LRRC4C: variants seen among roughly 807,000 people sequenced by gnomAD.
LRRC4C encodes the protein leucine rich repeat containing 4C, also known as leucine-rich repeat-containing protein 4C.
A neutral mutation model predicts 33.6 loss-of-function variants in LRRC4C; 5 were observed. The ratio of observed to expected loss-of-function variants is 0.15; its 90% confidence interval spans 0.08 to 0.31. The LOEUF is 0.31. Among genes scored for constraint, LRRC4C ranks in the 10% least tolerant of loss-of-function variants. The pLI is 1.00. For missense variants in LRRC4C, 560 were observed against 796.7 expected, an observed-to-expected ratio of 0.70 and a Z score of 3.58; for synonymous variants, 329 against 302.0, an observed-to-expected ratio of 1.09 and a Z score of -0.93.
intron 1 of LRRC4C, among the ~76,000 whole-genome samples, chr11:41,401,248 T>C (rs889659719): frequency 3.3e-5 from 5 of 151,904 alleles, no homozygotes; most frequent in African/African-American, 9.7e-5. Context: ...TAAACAACAA[T>C]TAAAATTCAG....
At chr11:40,720,948 C>T (rs1946980429) in intron 2 of LRRC4C, among the ~76,000 whole-genome samples, 1 of 152,052 alleles carries the variant, frequency 6.6e-6, no homozygotes, top group Admixed American at 6.5e-5. Context: ...GAAAGGGACC[C>T]TTGCCATAGG....
chr11:40,553,942 T>C (rs1272090151), intron 3 of LRRC4C, among the ~76,000 whole-genome samples: 1 of 152,192 alleles, frequency 6.6e-6, no homozygotes, highest in Non-Finnish European at 1.5e-5. Context: ...AGAAGCTCTT[T>C]AGTTTAATTA....
At chr11:40,621,093 A>G (rs1472504409) in intron 3 of LRRC4C, among the ~76,000 whole-genome samples, 1 of 151,580 alleles carries the variant, frequency 6.6e-6, no homozygotes, top group Non-Finnish European at 1.5e-5. Context: ...TCTTTCAGCT[A>G]TCCTTTTCAT....
intron 1 of LRRC4C, among the ~76,000 whole-genome samples, chr11:41,075,645 T>A (rs12577314): frequency 1.3e-5 from 2 of 152,108 alleles, no homozygotes; most frequent in East Asian, 3.9e-4. Flanking sequence ...AATCTGAAAC[T>A]TCTCATAATT....
intron 2 of LRRC4C, among the ~76,000 whole-genome samples, chr11:40,884,562 C>T (rs557521871): frequency 1.4e-3 from 220 of 152,120 alleles, no homozygotes; most frequent in African/African-American, 5.2e-3. Context: ...GAGAAATAAG[C>T]TGGTTTTATA....
At chr11:40,385,889 A>AATAAATAT (rs1949090429) in intron 3 of LRRC4C, among the ~76,000 whole-genome samples, 1 of 149,104 alleles carries the variant, frequency 6.7e-6, no homozygotes, top group African/African-American at 2.4e-5. Flanking sequence ...TAAATAAATA[A>AATAAATAT]ATAAAATAAA....
intron 2 of LRRC4C, among the ~76,000 whole-genome samples, chr11:40,901,439 A>G (rs147199598): frequency 8.5e-5 from 13 of 152,218 alleles, no homozygotes; most frequent in African/African-American, 3.1e-4. Flanking sequence ...CAAATGTGAT[A>G]TTTCTAAACA....
chr11:40,572,708 G>A (rs1334533381), intron 3 of LRRC4C, among the ~76,000 whole-genome samples: 1 of 152,152 alleles, frequency 6.6e-6, no homozygotes, highest in Non-Finnish European at 1.5e-5. Context: ...AGAGAGTTAG[G>A]ACTGGTCCTA....
At chr11:41,311,429 C>T (rs907452640) in intron 1 of LRRC4C, among the ~76,000 whole-genome samples, 1 of 152,062 alleles carries the variant, frequency 6.6e-6, no homozygotes, top group Non-Finnish European at 1.5e-5. Flanking sequence ...AAAATGAACA[C>T]AGTTTTATGA....
At position 40,917,923 on chromosome 11, in the gene LRRC4C, A is replaced by G. The variant is rs564586846; in HGVS notation, c.-407+15712T>C. ...TTCAATATCATTGCAATAACAAAAA[A>G]CAGTGTGGGTTTGACATCCTTTGCA... On this transcript the variant is annotated intron_variant, in intron 2 of 6. Transcript: ENST00000528697. Among the ~76,000 whole-genome samples the G allele has an allele frequency of 2.6e-5, 4 of 152,218 alleles. No individual in the cohort carries two copies. In the South Asian group the frequency reaches 8.3e-4, roughly 32 times the overall value.
chr11:41,330,591 G>C (rs996344002), intron 1 of LRRC4C, among the ~76,000 whole-genome samples: 2 of 151,912 alleles, frequency 1.3e-5, no homozygotes, highest in African/African-American at 2.4e-5. Flanking sequence ...CTTCCTTTGA[G>C]ACAGGGTCTC....
intron 1 of LRRC4C, among the ~76,000 whole-genome samples, chr11:41,140,168 T>C (rs1943440671): frequency 6.6e-6 from 1 of 152,138 alleles, no homozygotes; most frequent in Non-Finnish European, 1.5e-5. Context: ...CTAATTAAGA[T>C]GATGTATGTA....
chr11:40,905,706 C>T (rs184265641), intron 2 of LRRC4C, among the ~76,000 whole-genome samples: 1 of 152,312 alleles, frequency 6.6e-6, no homozygotes, highest in Admixed American at 6.5e-5. Flanking sequence ...CAGGTGGGGG[C>T]AGTGGCCTGA....
At chr11:40,936,429 C>T (rs1957903590) in intron 1 of LRRC4C, among the ~76,000 whole-genome samples, 1 of 150,420 alleles carries the variant, frequency 6.6e-6, no homozygotes, top group Non-Finnish European at 1.5e-5. Context: ...GCTCCGCCTC[C>T]CAGGTTTACG....
At chr11:41,076,254 T>G (rs967164681) in intron 1 of LRRC4C, among the ~76,000 whole-genome samples, 1 of 152,210 alleles carries the variant, frequency 6.6e-6, no homozygotes, top group African/African-American at 2.4e-5. Context: ...ACCAAACTTT[T>G]GATTCAACCA....
chr11:40,523,636 G>GT (rs200108898), intron 3 of LRRC4C, among the ~76,000 whole-genome samples: 9,728 of 150,314 alleles, frequency 0.065, 821 homozygotes, highest in African/African-American at 0.2. Flanking sequence ...TATATAGAAA[G>GT]AATATTATTT....
chr11:40,692,903 C>G (rs1002083930), intron 2 of LRRC4C, among the ~76,000 whole-genome samples: 1 of 152,022 alleles, frequency 6.6e-6, no homozygotes, highest in Non-Finnish European at 1.5e-5. Context: ...AAAGATAGTA[C>G]AGTCCTAGGT....
chr11:40,496,749 T>C (rs546326301), intron 3 of LRRC4C, among the ~76,000 whole-genome samples: 14 of 152,252 alleles, frequency 9.2e-5, no homozygotes, highest in African/African-American at 3.4e-4. Context: ...ACCATGTGTT[T>C]AGATGAGTGA....
At chr11:41,156,025 T>A (rs1944216346) in intron 1 of LRRC4C, among the ~76,000 whole-genome samples, 1 of 152,096 alleles carries the variant, frequency 6.6e-6, no homozygotes, top group Middle Eastern at 3.2e-3. Flanking sequence ...TGTGAACAGA[T>A]TTTTCTGTTT....
Sources: gnomAD v4.1 joint callset for allele counts (sites outside exome capture counted in the v4.1 genomes callset) on GRCh38, gnomAD v4.1.1 for gene constraint, MANE v1.5 for transcripts, NCBI Gene and HGNC (gene_info 2026-07-23, HGNC 2026-07-21) for gene names.